The following CDH8 variants were observed in gnomAD, a reference collection of about 807,000 sequenced individuals.
The protein encoded by CDH8 is cadherin-8.
A neutral mutation model predicts 68.1 loss-of-function variants in CDH8; 17 were observed. That is an observed-to-expected ratio of 0.25 (90% CI 0.17 to 0.37). The LOEUF is 0.37. Among genes scored for constraint, CDH8 ranks in the 10% least tolerant of loss-of-function variants. The probability of loss-of-function intolerance (pLI) is 1.00; values close to 1 mark genes in which losing one functional copy is unlikely to be tolerated. For missense variants in CDH8, 763 were observed against 999.3 expected, an observed-to-expected ratio of 0.76 and a Z score of 3.19; for synonymous variants, 372 against 365.1, an observed-to-expected ratio of 1.02 and a Z score of -0.21.
Position 61,959,982 on chromosome 16 carries a change from GTGTATA to G in CDH8, c.253-58515_253-58510del, listed in dbSNP as rs756378885. ...CTGTATGTGGTGTATGTGTGTGTGT[GTGTATA>G]TATATATATATATATATATATATAT... On this transcript the variant is annotated intron_variant, in intron 2 of 11. Transcript: ENST00000577390. Among the ~76,000 whole-genome samples, 137 of 31,048 alleles carry G rather than the reference GTGTATA, an allele frequency of 4.4e-3. 8 individuals carry two copies. Among genetic ancestry groups the G allele is most frequent in the East Asian group, 0.025 (20 of 812 alleles). 20.4% of individuals were successfully genotyped at this position (31,048 alleles called of 152,430 possible).
chr16:61,870,349 T>G (rs1007043236), intron 3 of CDH8, among the ~76,000 whole-genome samples: 1 of 152,162 alleles, frequency 6.6e-6, no homozygotes, highest in Non-Finnish European at 1.5e-5. Context: ...AGTAAGTATT[T>G]TGTACATGTT....
At chr16:61,981,675 TGTGTGTGC>T (rs925897400) in intron 2 of CDH8, among the ~76,000 whole-genome samples, 9 of 151,116 alleles carry the variant, frequency 6.0e-5, no homozygotes, top group African/African-American at 2.2e-4. Context: ...TGTGTGTGTG[TGTGTGTGC>T]GCGCGCGCGC....
At chr16:61,793,767 C>G (rs896938997) in intron 7 of CDH8, among the ~76,000 whole-genome samples, 2 of 151,934 alleles carry the variant, frequency 1.3e-5, no homozygotes, top group East Asian at 3.9e-4. Flanking sequence ...GGGTATATGC[C>G]CAGTAATGGA....
intron 2 of CDH8, among the ~76,000 whole-genome samples, chr16:61,912,226 T>TA (rs1035376632): frequency 1.3e-5 from 2 of 151,132 alleles, no homozygotes; most frequent in African/African-American, 2.4e-5. Context: ...TTGAGGTTTT[T>TA]AAAAAAAAAG....
At chr16:61,654,750 T>C (rs1249634065) in intron 11 of CDH8, among the ~76,000 whole-genome samples, 3 of 152,138 alleles carry the variant, frequency 2.0e-5, no homozygotes, top group Admixed American at 6.5e-5. Flanking sequence ...AAAGTGATGC[T>C]TAAATCCAAG....
At chr16:61,899,940 T>G (rs919811015) in intron 3 of CDH8, among the ~76,000 whole-genome samples, 4 of 151,936 alleles carry the variant, frequency 2.6e-5, no homozygotes, top group African/African-American at 4.8e-5. Flanking sequence ...GTACTATACC[T>G]GACAATGGTC....
At chr16:61,943,911 G>A (rs1427944750) in intron 2 of CDH8, among the ~76,000 whole-genome samples, 3 of 152,154 alleles carry the variant, frequency 2.0e-5, no homozygotes, top group Non-Finnish European at 4.4e-5. Context: ...GAGGCATAGT[G>A]TCAACAAAAG....
chr16:61,971,417 T>G (rs929575287), intron 2 of CDH8, among the ~76,000 whole-genome samples: 1 of 152,132 alleles, frequency 6.6e-6, no homozygotes, highest in Admixed American at 6.5e-5. Context: ...TCCAGGAAAC[T>G]ACATTTTCTG....
intron 5 of CDH8, 123 bp downstream of exon 5, chr16:61,824,889 C>T (rs1226517443): frequency 2.7e-5 from 21 of 769,248 alleles, no homozygotes; most frequent in Non-Finnish European, 4.4e-5. Flanking sequence ...CATGCCATAC[C>T]TGGCACATAA....
chr16:61,776,729 A>C (rs533637490), intron 8 of CDH8, among the ~76,000 whole-genome samples: 1 of 152,114 alleles, frequency 6.6e-6, no homozygotes, highest in African/African-American at 2.4e-5. Context: ...TAATACTATA[A>C]AATTGATATT....
At chr16:61,821,139 A>G in intron 5 of CDH8, 26 bp from the exon 6 acceptor site, 2 of 1,568,292 alleles carry the variant, frequency 1.3e-6, no homozygotes, top group Non-Finnish European at 1.7e-6. Context: ...AAACAATGAG[A>G]GTCACACAAA....
intron 6 of CDH8, among the ~76,000 whole-genome samples, chr16:61,820,192 T>C (rs1962176543): frequency 6.6e-6 from 1 of 151,940 alleles, no homozygotes; most frequent in East Asian, 1.9e-4. Context: ...ATGAGATTCA[T>C]TTCCCATAAT....
intron 2 of CDH8, among the ~76,000 whole-genome samples, chr16:61,931,647 G>T (rs2143481809): frequency 6.6e-6 from 1 of 152,200 alleles, no homozygotes; most frequent in Non-Finnish European, 1.5e-5. Context: ...AATGTCATTT[G>T]GGCCCCTCAG....
At position 61,652,310 on chromosome 16, in the gene CDH8, C is replaced by A; in HGVS notation, c.*1298G>T. On this transcript the variant is annotated 3_prime_UTR_variant, in exon 12 of 12. Transcript: ENST00000577390. ...GTAAACAGTGAAATTATGTACAAATCAGTTCCTGCTCTAAAACTGTGGGGG... is the reference window on the plus strand; with the variant it reads ...GTAAACAGTGAAATTATGTACAAATAAGTTCCTGCTCTAAAACTGTGGGGG... 1 of 985,092 alleles carries A rather than the reference C, an allele frequency of 1.0e-6. No homozygotes were observed. The highest frequency in any genetic ancestry group is 1.2e-6 in the Non-Finnish European group (1 of 829,708). The allele number at this position is 985,092 out of a possible 1,614,324, so 61.0% of individuals were successfully genotyped here.
chr16:61,922,876 C>A (rs1198867879), intron 2 of CDH8, among the ~76,000 whole-genome samples: 1 of 152,062 alleles, frequency 6.6e-6, no homozygotes, highest in Non-Finnish European at 1.5e-5. Context: ...AAACTTTATT[C>A]TTATTGAGAA....
At chr16:61,781,284 G>A (rs554399838) in intron 8 of CDH8, among the ~76,000 whole-genome samples, 6 of 152,300 alleles carry the variant, frequency 3.9e-5, no homozygotes, top group African/African-American at 1.4e-4. Context: ...AAACCTTGAT[G>A]GATATTTAAG....
chr16:61,739,921 T>TC (rs1356300302), intron 8 of CDH8, among the ~76,000 whole-genome samples: 1 of 100,064 alleles, frequency 1.0e-5, no homozygotes, highest in Non-Finnish European at 2.1e-5. Context: ...ATGTATTTTT[T>TC]TTTTTGAGAC....
intron 10 of CDH8, among the ~76,000 whole-genome samples, chr16:61,676,675 T>C (rs949225038): frequency 5.3e-5 from 8 of 152,120 alleles, no homozygotes; most frequent in Non-Finnish European, 1.0e-4. Flanking sequence ...AAAGACTGAA[T>C]ATTTTTCCAA....
chr16:61,837,166 C>T (rs867556932), intron 4 of CDH8, among the ~76,000 whole-genome samples: 2 of 152,048 alleles, frequency 1.3e-5, no homozygotes, highest in South Asian at 2.1e-4. Flanking sequence ...TATGCCTCTT[C>T]TCAGACAATG....
Sources: gnomAD v4.1 joint callset for allele counts (sites outside exome capture counted in the v4.1 genomes callset) on GRCh38, gnomAD v4.1.1 for gene constraint, MANE v1.5 for transcripts, NCBI Gene and HGNC (gene_info 2026-07-23, HGNC 2026-07-21) for gene names.